DLC1: variants seen among roughly 807,000 people sequenced by gnomAD.
The protein encoded by DLC1 is DLC1 Rho GTPase activating protein, also known as rho GTPase-activating protein 7.
In DLC1, 54 loss-of-function variants were observed where a neutral mutation model predicts 140.3. The ratio of observed to expected loss-of-function variants is 0.38; its 90% CI spans 0.31 to 0.48. DLC1 has a LOEUF of 0.48. DLC1 is among the 20% of genes least tolerant of loss of function. The pLI, the probability that DLC1 is intolerant of heterozygous loss-of-function variation, is 0.96. For synonymous variants in DLC1, 986 were observed against 728.1 expected (o/e 1.35, Z -5.70); for missense variants, 2,536 against 1,907.0 (o/e 1.33, Z -6.14).
chr8:13,319,706 C>A (rs1490343036), intron 4 of DLC1, among the ~76,000 whole-genome samples: 1 of 151,746 alleles, frequency 6.6e-6, no homozygotes, highest in African/African-American at 2.4e-5. Context: ...AATTAAACCT[C>A]TTTTCTTTAT....
chr8:13,426,918 A>G lies in DLC1; in HGVS notation c.1024-25299T>C, dbSNP rs184281803. 1.8e-3 allele frequency among the ~76,000 whole-genome samples: 275 copies of G among 152,254 alleles called. 2 individuals are homozygous for G. Among genetic ancestry groups the G allele is most frequent in the Non-Finnish European group, 2.0e-3 (133 of 68,024 alleles). ...ATGCTCTACTGGAAAAATTTGTCAT[A>G]TCACGAGTTTTTGTTAATGTTGTCA... is the stretch of plus-strand genomic sequence containing the variant. On this transcript the variant is annotated intron_variant, in intron 2 of 17. Coordinates refer to ENST00000276297, the MANE Select transcript of DLC1 (RefSeq NM_182643.3).
chr8:13,589,176 T>G (rs1805430915), intron 1 of DLC1, among the ~76,000 whole-genome samples: 2 of 152,144 alleles, frequency 1.3e-5, no homozygotes, highest in Non-Finnish European at 2.9e-5. Context: ...AACAACAGGC[T>G]GTCGTCAGTT....
chr8:13,589,050 A>G (rs544828931), intron 1 of DLC1, among the ~76,000 whole-genome samples: 19 of 152,202 alleles, frequency 1.2e-4, no homozygotes, highest in African/African-American at 4.1e-4. Flanking sequence ...GATAATAATT[A>G]TGGGTTGCTA....
chr8:13,095,298 G>A, intron 10 of DLC1, 53 bp from the exon 11 acceptor site: 1 of 1,605,126 alleles, frequency 6.2e-7, no homozygotes, highest in Non-Finnish European at 8.5e-7. Flanking sequence ...TCACTTGTCT[G>A]TCTACACTTG....
At chr8:13,094,466 G>C (rs758607097) in intron 12 of DLC1, among the ~76,000 whole-genome samples, 16 of 152,102 alleles carry the variant, frequency 1.1e-4, no homozygotes, top group South Asian at 2.1e-4. Context: ...AGGAGTTCGA[G>C]ACCATCCTGG....
chr8:13,173,415 A>C (rs917226517), intron 5 of DLC1, among the ~76,000 whole-genome samples: 7 of 118,762 alleles, frequency 5.9e-5, no homozygotes, highest in African/African-American at 6.6e-5. Flanking sequence ...CTCTATCTCC[A>C]GGCTGGAGCG....
At chr8:13,204,930 T>G (rs1267357721) in intron 5 of DLC1, among the ~76,000 whole-genome samples, 1 of 152,226 alleles carries the variant, frequency 6.6e-6, no homozygotes, top group Non-Finnish European at 1.5e-5. Flanking sequence ...GCACCTGTCT[T>G]ACATTTTGCA....
intron 2 of DLC1, among the ~76,000 whole-genome samples, chr8:13,453,476 ATATG>A (rs1799227332): frequency 2.7e-5 from 1 of 37,714 alleles, no homozygotes; most frequent in African/African-American, 1.3e-4. Context: ...ATATACATAT[ATATG>A]TATATATATA....
intron 5 of DLC1, among the ~76,000 whole-genome samples, chr8:13,266,744 T>C (rs1830703313): frequency 6.6e-6 from 1 of 151,676 alleles, no homozygotes; most frequent in South Asian, 2.1e-4. Flanking sequence ...GACTTAGTAT[T>C]AAAAAAACAA....
intron 2 of DLC1, among the ~76,000 whole-genome samples, chr8:13,442,798 A>G (rs1052335623): frequency 6.6e-6 from 1 of 152,232 alleles, no homozygotes; most frequent in Non-Finnish European, 1.5e-5. Context: ...CAGTGTGGTG[A>G]TTCCTCTGGG....
Position 13,286,729 on chromosome 8 carries a change from G to GAA in DLC1, c.1348+18538_1348+18539dup, listed in dbSNP as rs988288934. ...CTATTTTGAAATAGGAAAAAAAATAGAAAAAAAAAAAAACACATGAAAAAA... is the reference window on the plus strand; with the variant it reads ...CTATTTTGAAATAGGAAAAAAAATAGAAAAAAAAAAAAAAACACATGAAAAAA... On this transcript the variant is annotated intron_variant, in intron 5 of 17. Transcript: ENST00000276297. Among the ~76,000 whole-genome samples, 684 of 100,974 alleles carry GAA rather than the reference G, an allele frequency of 6.8e-3. 12 individuals are homozygous for GAA. The highest frequency in any genetic ancestry group is 0.023 in the African/African-American group (635 of 27,862). 66.2% of individuals were successfully genotyped at this position (100,974 alleles called of 152,430 possible).
chr8:13,221,676 G>A (rs1283769318), intron 5 of DLC1, among the ~76,000 whole-genome samples: 1 of 142,448 alleles, frequency 7.0e-6, no homozygotes, highest in African/African-American at 2.6e-5. Flanking sequence ...TGGCCCCAAA[G>A]ATTTTGTGTG....
At chr8:13,240,831 C>A (rs1829515679) in intron 5 of DLC1, among the ~76,000 whole-genome samples, 1 of 152,152 alleles carries the variant, frequency 6.6e-6, no homozygotes, top group Non-Finnish European at 1.5e-5. Context: ...TTAGAAATAT[C>A]TTTGCTCCAA....
At chr8:13,593,967 C>A (rs949531303) in intron 1 of DLC1, among the ~76,000 whole-genome samples, 1 of 151,988 alleles carries the variant, frequency 6.6e-6, no homozygotes, top group African/African-American at 2.4e-5. Flanking sequence ...GAAGACGAGC[C>A]TGGGCAACTT....
At chr8:13,524,131 T>TATG (rs780632369) in intron 1 of DLC1, among the ~76,000 whole-genome samples, 6 of 147,544 alleles carry the variant, frequency 4.1e-5, no homozygotes, top group Non-Finnish European at 7.5e-5. Context: ...TTATTATTAT[T>TATG]ATTATTATTA....
chr8:13,441,971 T>G (rs538516939), intron 2 of DLC1, among the ~76,000 whole-genome samples: 3 of 152,282 alleles, frequency 2.0e-5, no homozygotes, highest in African/African-American at 7.2e-5. Context: ...AAGGCTACAG[T>G]AACCAAAACA....
chr8:13,539,173 T>TTGTG lies in DLC1; in HGVS notation c.-125-38978_-125-38977insCACA, dbSNP rs5889450. 4.3e-3 allele frequency among the ~76,000 whole-genome samples: 474 copies of TTGTG among 110,494 alleles called. 6 individuals are homozygous for TTGTG. The highest frequency in any genetic ancestry group is 0.016 in the African/African-American group (426 of 27,358). 72.5% of individuals were successfully genotyped at this position (110,494 alleles called of 152,430 possible). On this transcript the variant is annotated intron_variant, in intron 1 of 1. Coordinates refer to the DLC1 transcript ENST00000631382. ...TGCTTTTTTTCAGTAGATCTGCAAA[T>TTGTG]TGTATGTATGTGTGTATGTATGTAT... is the stretch of plus-strand genomic sequence containing the variant.
At chr8:13,377,158 C>G (rs1483170723) in intron 4 of DLC1, among the ~76,000 whole-genome samples, 3 of 152,124 alleles carry the variant, frequency 2.0e-5, no homozygotes, top group Non-Finnish European at 4.4e-5. Context: ...TGTGAATTCT[C>G]AAGTCCAAGG....
chr8:13,106,325 G>A (rs938925518), intron 7 of DLC1, among the ~76,000 whole-genome samples: 3 of 152,160 alleles, frequency 2.0e-5, no homozygotes, highest in African/African-American at 7.2e-5. Flanking sequence ...TGGAATCTGT[G>A]CAATTGCTTT....
Sources: gnomAD v4.1 joint callset for allele counts (sites outside exome capture counted in the v4.1 genomes callset) on GRCh38, gnomAD v4.1.1 for gene constraint, MANE v1.5 for transcripts, NCBI Gene and HGNC (gene_info 2026-07-23, HGNC 2026-07-21) for gene names.